The following HSPA12A variants were observed in gnomAD, a reference collection of about 807,000 sequenced individuals.
HSPA12A encodes the protein heat shock protein family A (Hsp70) member 12A, also known as heat shock 70 kDa protein 12A.
Under a neutral mutation model 69.2 loss-of-function variants are expected in HSPA12A, and 28 were observed. The observed-to-expected ratio is 0.40, with a 90% CI of 0.30 to 0.55. HSPA12A has a LOEUF of 0.55. Among genes scored for constraint, HSPA12A ranks in the 20% least tolerant of loss-of-function variants. The pLI is 0.38. For synonymous variants in HSPA12A, 345 were observed against 370.5 expected, an observed-to-expected ratio of 0.93 and a Z score of 0.79; for missense variants, 686 against 900.7, an observed-to-expected ratio of 0.76 and a Z score of 3.05.
intron 2 of HSPA12A, among the ~76,000 whole-genome samples, chr10:116,794,721 G>C (rs761821104): frequency 6.6e-6 from 1 of 152,146 alleles, no homozygotes; most frequent in Non-Finnish European, 1.5e-5. Context: ...GCTGAGGCAG[G>C]AGAATTGCTT....
intron 1 of HSPA12A, among the ~76,000 whole-genome samples, chr10:116,836,768 AAC>A (rs75862523): frequency 0.023 from 3,409 of 145,974 alleles, 48 homozygotes; most frequent in African/African-American, 0.046. Context: ...AAACGAACCG[AAC>A]ACACACACAC....
chr10:116,789,872 C>G (rs1232040395), intron 2 of HSPA12A, among the ~76,000 whole-genome samples: 1 of 152,080 alleles, frequency 6.6e-6, no homozygotes, highest in South Asian at 2.1e-4. Context: ...TCACCGGATG[C>G]CCAGACGTCC....
intron 1 of HSPA12A, among the ~76,000 whole-genome samples, chr10:116,737,834 T>C (rs1480625704): frequency 6.6e-6 from 1 of 152,110 alleles, no homozygotes; most frequent in Non-Finnish European, 1.5e-5. Flanking sequence ...CTGGGAGTCA[T>C]TTGCAATGAC....
At chr10:116,737,698 C>A (rs1554886553) in intron 1 of HSPA12A, among the ~76,000 whole-genome samples, 2 of 152,180 alleles carry the variant, frequency 1.3e-5, no homozygotes, top group African/African-American at 4.8e-5. Context: ...TCAGGATTGC[C>A]CAGAAGGGGT....
intron 2 of HSPA12A, among the ~76,000 whole-genome samples, chr10:116,756,157 T>A (rs1436028348): frequency 2.6e-5 from 4 of 152,206 alleles, no homozygotes; most frequent in Non-Finnish European, 4.4e-5. Flanking sequence ...AGGTTTCCCT[T>A]AAGGCTTTAT....
chr10:116,689,301 T>A (rs1351475295), intron 6 of HSPA12A, among the ~76,000 whole-genome samples: 2 of 151,746 alleles, frequency 1.3e-5, no homozygotes, highest in Non-Finnish European at 2.9e-5. Context: ...GGCTCCATTT[T>A]CCCCACACAA....
chr10:116,728,248 T>A (rs907829942), intron 1 of HSPA12A, among the ~76,000 whole-genome samples: 1 of 152,118 alleles, frequency 6.6e-6, no homozygotes, highest in Non-Finnish European at 1.5e-5. Flanking sequence ...GCCTTGTAAG[T>A]GTTCTGAGCA....
chr10:116,822,538 T>G (rs545037652), intron 2 of HSPA12A, among the ~76,000 whole-genome samples: 1 of 152,332 alleles, frequency 6.6e-6, no homozygotes, highest in South Asian at 2.1e-4. Context: ...GTTTATGAAT[T>G]CAGTAGGGCA....
intron 1 of HSPA12A, among the ~76,000 whole-genome samples, chr10:116,741,098 C>T (rs1249200400): frequency 1.3e-5 from 2 of 152,118 alleles, no homozygotes; most frequent in South Asian, 2.1e-4. Flanking sequence ...TGTTTGGGGA[C>T]GGCCTGGGCT....
intron 1 of HSPA12A, among the ~76,000 whole-genome samples, chr10:116,742,213 G>A (rs1241066774): frequency 6.6e-6 from 1 of 151,900 alleles, no homozygotes; most frequent in Admixed American, 6.6e-5. Flanking sequence ...CCCTGGCGGG[G>A]CGCAGAACAT....
chr10:116,711,983 G>A (rs372564414), intron 1 of HSPA12A, among the ~76,000 whole-genome samples: 6 of 152,062 alleles, frequency 3.9e-5, no homozygotes, highest in Non-Finnish European at 7.4e-5. Context: ...CACTGTGCCC[G>A]GCCAACACTG....
At chr10:116,683,009 T>C (rs1849466228) in intron 7 of HSPA12A, among the ~76,000 whole-genome samples, 1 of 151,592 alleles carries the variant, frequency 6.6e-6, no homozygotes, top group Non-Finnish European at 1.5e-5. Flanking sequence ...GGCCCCACAA[T>C]TCTTTTCTTG....
chr10:116,763,977 C>G (rs182968295), intron 2 of HSPA12A, among the ~76,000 whole-genome samples: 125 of 152,258 alleles, frequency 8.2e-4, no homozygotes, highest in African/African-American at 2.8e-3. Context: ...GCCTCTCTCA[C>G]TTCCCTGCAA....
At chr10:116,695,430 T>C (rs1254266577) in intron 5 of HSPA12A, among the ~76,000 whole-genome samples, 2 of 152,044 alleles carry the variant, frequency 1.3e-5, no homozygotes, top group African/African-American at 4.8e-5. Context: ...ACACCTGTAA[T>C]CCCAGCACTT....
intron 5 of HSPA12A, among the ~76,000 whole-genome samples, chr10:116,696,721 G>A (rs576988658): frequency 3.3e-5 from 5 of 152,164 alleles, no homozygotes; most frequent in African/African-American, 4.8e-5. Flanking sequence ...CTTGGCATCC[G>A]CAGCTCTGCA....
At chr10:116,775,501 G>A (rs544797861) in intron 2 of HSPA12A, among the ~76,000 whole-genome samples, 8 of 152,284 alleles carry the variant, frequency 5.3e-5, no homozygotes, top group South Asian at 4.1e-4. Flanking sequence ...AACATTGACC[G>A]TGAAGTTTGT....
chr10:116,820,992 T>G (rs1845401719), intron 2 of HSPA12A, among the ~76,000 whole-genome samples: 1 of 151,970 alleles, frequency 6.6e-6, no homozygotes, highest in South Asian at 2.1e-4. Context: ...TCCTATGGCC[T>G]CCCCCTGCAC....
intron 3 of HSPA12A, 55 bp downstream of exon 3, chr10:116,705,096 C>G: frequency 2.5e-6 from 4 of 1,606,516 alleles, no homozygotes; most frequent in Non-Finnish European, 3.4e-6. Flanking sequence ...CCCGGAGTCT[C>G]CACAGGTGCA....
chr10:116,764,239 A>G (rs1365897197), intron 2 of HSPA12A, among the ~76,000 whole-genome samples: 1 of 152,236 alleles, frequency 6.6e-6, no homozygotes, highest in Non-Finnish European at 1.5e-5. Flanking sequence ...GCAACCCCAT[A>G]TCTAGGAATC....
Sources: gnomAD v4.1 joint callset for allele counts (sites outside exome capture counted in the v4.1 genomes callset) on GRCh38, gnomAD v4.1.1 for gene constraint, MANE v1.5 for transcripts, NCBI Gene and HGNC (gene_info 2026-07-23, HGNC 2026-07-21) for gene names.